The following SULF2 variants were observed in gnomAD, a reference collection of about 807,000 sequenced individuals.
SULF2 encodes extracellular sulfatase Sulf-2.
Under a neutral mutation model 107.7 loss-of-function variants are expected in SULF2, and 52 were observed. That is an observed-to-expected ratio of 0.48 (90% CI 0.39 to 0.61). The LOEUF (loss-of-function observed/expected upper bound fraction) is 0.61. SULF2 is among the 20% of genes least tolerant of loss of function. The probability of loss-of-function intolerance (pLI) is 0.00; values close to 1 mark genes in which losing one functional copy is unlikely to be tolerated. For missense variants in SULF2, 993 were observed against 1,177.3 expected, an observed-to-expected ratio of 0.84 and a Z score of 2.29; for synonymous variants, 460 against 464.3, an observed-to-expected ratio of 0.99 and a Z score of 0.12.
chr20:47,762,237 G>A (rs1433329290), intron 1 of SULF2, among the ~76,000 whole-genome samples: 1 of 152,210 alleles, frequency 6.6e-6, no homozygotes, highest in African/African-American at 2.4e-5. Flanking sequence ...AGCAGCCAGC[G>A]TTCTAAGATG....
chr20:47,728,216 T>TGTGCGTGC (rs1244328672), intron 3 of SULF2, among the ~76,000 whole-genome samples: 2 of 151,900 alleles, frequency 1.3e-5, no homozygotes, highest in Non-Finnish European at 2.9e-5. Flanking sequence ...GAGCTGTGTG[T>TGTGCGTGC]GTGCGTGCGT....
chr20:47,663,741 C>CATAG (rs1224000269), intron 15 of SULF2, 119 bp from the exon 16 acceptor site: 11 of 1,189,884 alleles, frequency 9.2e-6, no homozygotes, highest in Non-Finnish European at 1.3e-5. Context: ...GAGCCATGGG[C>CATAG]ATAGCAATTC....
chr20:47,760,882 C>T (rs889233640), intron 1 of SULF2, among the ~76,000 whole-genome samples: 5 of 152,214 alleles, frequency 3.3e-5, no homozygotes, highest in Admixed American at 1.3e-4. Flanking sequence ...ACAGCCAGAG[C>T]CACTGCGGCA....
chr20:47,697,480 A>C (rs2088420628), intron 4 of SULF2, among the ~76,000 whole-genome samples: 1 of 152,188 alleles, frequency 6.6e-6, no homozygotes. Flanking sequence ...GGCCCAGGGC[A>C]CAGGGCTCCT....
chr20:47,760,170 C>T (rs1189054810), intron 1 of SULF2, among the ~76,000 whole-genome samples: 1 of 152,144 alleles, frequency 6.6e-6, no homozygotes, highest in Non-Finnish European at 1.5e-5. Context: ...CTCTGGGCAG[C>T]GCTATGGTTG....
intron 2 of SULF2, among the ~76,000 whole-genome samples, chr20:47,755,938 C>T (rs933612599): frequency 1.3e-5 from 2 of 151,784 alleles, no homozygotes; most frequent in South Asian, 2.1e-4. Flanking sequence ...TCCAAACCAC[C>T]GAGCCCATTT....
rs761698711 is a variant in SULF2 at position 47,661,788 on chromosome 20, G to A, written c.2479C>T (p.Arg827Ter). 5 of 1,545,260 alleles carry A rather than the reference G, an allele frequency of 3.2e-6. No homozygotes were observed. The highest frequency in any genetic ancestry group is 1.2e-5 in the South Asian group (1 of 83,498). ...GCCTACTCACCCAGGTCCATGTTTC[G>A]AGTCCGGGGGTTACACTGCTTGTAA... is the stretch of plus-strand genomic sequence containing the variant. The part of the protein sequence containing the change: ...KGYKQCNPRT[R>*]NMDLGLKDGG... The change falls in exon 18 of 21, where the codon CGA (arginine) becomes TGA (stop). Residue 827 changes from arginine to a stop codon, truncating the protein, a stop_gained. Transcript: ENST00000688720. LOFTEE classifies it high-confidence loss of function.
At position 47,664,200 on chromosome 20, in the gene SULF2, C is replaced by T. The variant is rs372302262; in HGVS notation, c.1998-11G>A. On this transcript the variant is annotated splice_polypyrimidine_tract_variant and intron_variant, in intron 14 of 20. Transcript: ENST00000688720. ...TGCTGGGTGTGGTAGCTGTAACAGACCCCCCCAGCCCCAGGCTTCAGGAGT... is the reference window on the plus strand; with the variant it reads ...TGCTGGGTGTGGTAGCTGTAACAGATCCCCCCAGCCCCAGGCTTCAGGAGT... 48 of 1,603,376 alleles carry T rather than the reference C, an allele frequency of 3.0e-5. No homozygotes were observed. In the Middle Eastern group the frequency reaches 7.1e-4, roughly 24 times the overall value.
At chr20:47,745,692 C>T (rs1046630233) in intron 2 of SULF2, among the ~76,000 whole-genome samples, 3 of 151,558 alleles carry the variant, frequency 2.0e-5, no homozygotes, top group Non-Finnish European at 4.4e-5. Flanking sequence ...TCATTCCCGG[C>T]TAATTTTTTT....
At chr20:47,758,880 G>T (rs2090356341) in intron 1 of SULF2, among the ~76,000 whole-genome samples, 1 of 152,150 alleles carries the variant, frequency 6.6e-6, no homozygotes, top group South Asian at 2.1e-4. Flanking sequence ...TGCCCTTCAT[G>T]GGGAACCCCA....
intron 2 of SULF2, among the ~76,000 whole-genome samples, chr20:47,753,116 A>G (rs1470363009): frequency 3.0e-4 from 43 of 143,256 alleles, no homozygotes; most frequent in Non-Finnish European, 4.1e-4. Context: ...AAAAAAAAAA[A>G]AAAGAAAGAA....
chr20:47,743,791 C>T (rs546650838), intron 2 of SULF2, among the ~76,000 whole-genome samples: 3 of 152,310 alleles, frequency 2.0e-5, no homozygotes, highest in African/African-American at 7.2e-5. Context: ...TCTCTCTAAG[C>T]TTCCTCTGCT....
chr20:47,710,802 G>A (rs774414651), intron 3 of SULF2, among the ~76,000 whole-genome samples: 3 of 152,048 alleles, frequency 2.0e-5, no homozygotes, highest in African/African-American at 4.8e-5. Context: ...CCAGCAGGTC[G>A]GCCACTTCCC....
chr20:47,708,707 C>T (rs886745826), intron 3 of SULF2, among the ~76,000 whole-genome samples: 21 of 152,218 alleles, frequency 1.4e-4, no homozygotes, highest in Non-Finnish European at 2.5e-4. Context: ...AGTGAACCTA[C>T]TGGTTCTTGA....
rs77269738 is a variant in SULF2 at position 47,690,963 on chromosome 20, C to T, written c.568-668G>A. Among the ~76,000 whole-genome samples the T allele has an allele frequency of 5.8e-3, 881 of 152,076 alleles. 8 individuals carry two copies. Among genetic ancestry groups the T allele is most frequent in the African/African-American group, 0.02 (822 of 41,468 alleles). On this transcript the variant is annotated intron_variant, in intron 4 of 20. Transcript: ENST00000688720. Reference sequence around the variant, plus strand: ...TGTTCTGTGTTTACCTGTATTTGCTCGCTTAATTCTGACATAACTATAGAA... The same window carrying T: ...TGTTCTGTGTTTACCTGTATTTGCTTGCTTAATTCTGACATAACTATAGAA...
intron 3 of SULF2, among the ~76,000 whole-genome samples, chr20:47,715,562 A>T (rs1034161927): frequency 1.3e-5 from 2 of 149,170 alleles, no homozygotes; most frequent in Non-Finnish European, 3.0e-5. Flanking sequence ...TGGGAGACAC[A>T]GCTGAGTGAG....
chr20:47,664,095 T>C, intron 15 of SULF2, 35 bp downstream of exon 15: 1 of 1,609,708 alleles, frequency 6.2e-7, no homozygotes, highest in Non-Finnish European at 8.5e-7. Flanking sequence ...TGCAGGCCTC[T>C]GCATCTCTTC....
chr20:47,707,767 G>C (rs2088796590), intron 3 of SULF2, among the ~76,000 whole-genome samples: 1 of 152,068 alleles, frequency 6.6e-6, no homozygotes, highest in Non-Finnish European at 1.5e-5. Flanking sequence ...GCTAGCTTTG[G>C]AATAAAAAAT....
chr20:47,662,810 C>T (rs1555823186), intron 17 of SULF2, among the ~76,000 whole-genome samples: 1 of 149,880 alleles, frequency 6.7e-6, no homozygotes, highest in Non-Finnish European at 1.5e-5. Flanking sequence ...TGGTTGCATG[C>T]TGCATGTTAA....
Sources: gnomAD v4.1 joint callset for allele counts (sites outside exome capture counted in the v4.1 genomes callset) on GRCh38, gnomAD v4.1.1 for gene constraint, MANE v1.5 for transcripts, NCBI Gene and HGNC (gene_info 2026-07-23, HGNC 2026-07-21) for gene names.